The following NDST4 variants were observed in gnomAD, a reference collection of about 807,000 sequenced individuals.
NDST4 encodes the protein N-deacetylase and N-sulfotransferase 4.
Under a neutral mutation model 100.8 loss-of-function variants are expected in NDST4, and 63 were observed. That is an observed-to-expected ratio of 0.62 (90% confidence interval 0.51 to 0.77). The LOEUF (loss-of-function observed/expected upper bound fraction) is 0.77, where lower values mean the gene tolerates loss of function less well. Ranked by LOEUF, NDST4 falls within the 30% of genes least tolerant of loss-of-function variation. The probability of loss-of-function intolerance (pLI) is 0.00; values close to 1 mark genes in which losing one functional copy is unlikely to be tolerated. For missense variants in NDST4, 943 were observed against 1,018.4 expected (o/e 0.93, Z 1.01); for synonymous variants, 377 against 361.8 (o/e 1.04, Z -0.48).
At chr4:114,984,399 G>A (rs148834050) in intron 2 of NDST4, among the ~76,000 whole-genome samples, 4 of 134,010 alleles carry the variant, frequency 3.0e-5, no homozygotes, top group South Asian at 2.6e-4. Flanking sequence ...GGCTGATCTC[G>A]AACTCCTGAC....
chr4:115,103,295 GATGA>G (rs1002075791), intron 1 of NDST4, among the ~76,000 whole-genome samples: 5 of 152,156 alleles, frequency 3.3e-5, no homozygotes, highest in Middle Eastern at 3.4e-3. Context: ...GAACTCAAGG[GATGA>G]ATGAATGAAG....
At chr4:114,982,256 G>A (rs2083626) in intron 2 of NDST4, among the ~76,000 whole-genome samples, 68,027 of 151,986 alleles carry the variant, frequency 0.45, 16,757 homozygotes, top group Non-Finnish European at 0.58. Context: ...GGAAGATGTG[G>A]GAAAGGTTGG....
rs188763677 is a variant in NDST4 at position 115,103,883 on chromosome 4, G to C, written c.-247+9561C>G. On this transcript the variant is annotated intron_variant, in intron 1 of 13. Transcript: ENST00000264363. ...ATAAAAACTCAAGAGAAGAGATCTG[G>C]AGTGATTTCACATATTCTGCTTCTT... Among the ~76,000 whole-genome samples the C allele has an allele frequency of 3.8e-3, 582 of 152,216 alleles. 3 individuals are homozygous for C. The highest frequency in any genetic ancestry group is 4.8e-3 in the South Asian group (23 of 4,820).
chr4:114,923,313 T>C (rs1210642066), intron 6 of NDST4, among the ~76,000 whole-genome samples: 2 of 152,150 alleles, frequency 1.3e-5, no homozygotes, highest in Non-Finnish European at 2.9e-5. Flanking sequence ...CAGAGGGACA[T>C]AAAATAGGAA....
intron 1 of NDST4, among the ~76,000 whole-genome samples, chr4:115,080,257 C>G (rs994474185): frequency 3.9e-5 from 6 of 152,164 alleles, no homozygotes; most frequent in Non-Finnish European, 7.3e-5. Flanking sequence ...CTGCCTCAGC[C>G]TCCCTAGTAG....
intron 1 of NDST4, among the ~76,000 whole-genome samples, chr4:115,085,485 C>T (rs893522665): frequency 5.3e-5 from 8 of 152,030 alleles, no homozygotes; most frequent in African/African-American, 1.4e-4. Flanking sequence ...AATCTCATCT[C>T]GAATTGTAGT....
At chr4:114,858,134 A>G (rs1172413494) in intron 7 of NDST4, among the ~76,000 whole-genome samples, 1 of 152,236 alleles carries the variant, frequency 6.6e-6, no homozygotes, top group Non-Finnish European at 1.5e-5. Context: ...AGTTACTGCC[A>G]GTGCTGAATA....
At chr4:114,945,207 T>TCAA (rs1725835456) in intron 4 of NDST4, among the ~76,000 whole-genome samples, 1 of 10,372 alleles carries the variant, frequency 9.6e-5, no homozygotes, top group Non-Finnish European at 2.4e-4. Context: ...AAACTCCGTC[T>TCAA]CAAAAAAAAA....
chr4:114,968,581 G>T (rs1233678993), intron 4 of NDST4, among the ~76,000 whole-genome samples: 1 of 152,148 alleles, frequency 6.6e-6, no homozygotes, highest in Non-Finnish European at 1.5e-5. Context: ...CTCCGCCATT[G>T]CAATGTGAAA....
chr4:114,952,479 C>T (rs1215284124), intron 4 of NDST4, among the ~76,000 whole-genome samples: 1 of 151,996 alleles, frequency 6.6e-6, no homozygotes, highest in Non-Finnish European at 1.5e-5. Flanking sequence ...CTTTCATCTA[C>T]CTGCCAATAC....
intron 1 of NDST4, among the ~76,000 whole-genome samples, chr4:115,092,005 C>A (rs1560597187): frequency 6.6e-6 from 1 of 151,984 alleles, no homozygotes; most frequent in Non-Finnish European, 1.5e-5. Flanking sequence ...ACATGTAATT[C>A]AAAAAATAGT....
intron 6 of NDST4, among the ~76,000 whole-genome samples, chr4:114,911,996 A>T (rs983614373): frequency 5.9e-5 from 9 of 152,304 alleles, no homozygotes; most frequent in African/African-American, 2.2e-4. Flanking sequence ...GTAGTCTAAT[A>T]CAATATGTTG....
chr4:114,975,290 A>ATTTT (rs150581247), intron 3 of NDST4, among the ~76,000 whole-genome samples: 12 of 152,200 alleles, frequency 7.9e-5, no homozygotes, highest in African/African-American at 2.9e-4. Context: ...AAAATGACAT[A>ATTTT]TTTATGTGAA....
At chr4:114,843,419 T>A (rs1441892984) in intron 10 of NDST4, among the ~76,000 whole-genome samples, 1 of 152,208 alleles carries the variant, frequency 6.6e-6, no homozygotes, top group Non-Finnish European at 1.5e-5. Flanking sequence ...AAATCAACAC[T>A]ACTACAGATC....
intron 2 of NDST4, among the ~76,000 whole-genome samples, chr4:115,057,169 G>A (rs2126281605): frequency 6.6e-6 from 1 of 152,242 alleles, no homozygotes; most frequent in Non-Finnish European, 1.5e-5. Context: ...TCCGTGGTTA[G>A]CAAATATATC....
chr4:114,989,211 T>C (rs1726983029), intron 2 of NDST4, among the ~76,000 whole-genome samples: 1 of 152,160 alleles, frequency 6.6e-6, no homozygotes. Flanking sequence ...ATACCAAAAA[T>C]GCATGAATGG....
At chr4:114,945,229 A>AAAAAAAAAAAC in intron 4 of NDST4, among the ~76,000 whole-genome samples, 1 of 151,074 alleles carries the variant, frequency 6.6e-6, no homozygotes, top group African/African-American at 2.4e-5. Context: ...AAAAAAAAAA[A>AAAAAAAAAAAC]AAAAGACAAA....
intron 6 of NDST4, among the ~76,000 whole-genome samples, chr4:114,913,028 A>G (rs940652416): frequency 6.6e-6 from 1 of 152,052 alleles, no homozygotes; most frequent in Admixed American, 6.6e-5. Flanking sequence ...CTTTCTCTGT[A>G]ATATTATGAG....
chr4:115,096,036 A>G (rs1729615061), intron 1 of NDST4, among the ~76,000 whole-genome samples: 1 of 151,868 alleles, frequency 6.6e-6, no homozygotes, highest in Admixed American at 6.6e-5. Context: ...CCCCTTACCC[A>G]GTTTAAATTC....
Sources: allele counts gnomAD v4.1 joint callset (sites outside exome capture counted in the v4.1 genomes callset), GRCh38; gene constraint gnomAD v4.1.1; transcripts MANE v1.5; gene names NCBI Gene and HGNC (gene_info 2026-07-23, HGNC 2026-07-21).